ZNF518A: variants seen among roughly 807,000 people sequenced by gnomAD.
The protein encoded by ZNF518A is zinc finger protein 518.
In ZNF518A, 47 loss-of-function variants were observed where a neutral mutation model predicts 102.7. That is an observed-to-expected ratio of 0.46 (90% CI 0.36 to 0.58). ZNF518A has a LOEUF of 0.58. Ranked by LOEUF, ZNF518A falls within the 20% of genes least tolerant of loss-of-function variation. The probability of loss-of-function intolerance (pLI) is 0.00; values close to 1 mark genes in which losing one functional copy is unlikely to be tolerated. For synonymous variants in ZNF518A, 652 were observed against 594.6 expected (o/e 1.10, Z -1.40); for missense variants, 1,793 against 1,699.8 (o/e 1.05, Z -0.96).
chr10:96,135,679 G>T (rs763730370), intron 3 of ZNF518A, among the ~76,000 whole-genome samples: 1 of 152,190 alleles, frequency 6.6e-6, no homozygotes, highest in African/African-American at 2.4e-5. Flanking sequence ...TATTTCTGGT[G>T]CACAGATTAA....
intron 3 of ZNF518A, among the ~76,000 whole-genome samples, chr10:96,139,512 C>T (rs1041152362): frequency 6.6e-6 from 1 of 152,132 alleles, no homozygotes; most frequent in Admixed American, 6.5e-5. Context: ...GAAGTAGGCC[C>T]TCCCCAGACA....
intron 3 of ZNF518A, among the ~76,000 whole-genome samples, chr10:96,150,779 C>T (rs1205194566): frequency 1.3e-5 from 1 of 79,250 alleles, no homozygotes; most frequent in Admixed American, 2.0e-4. Flanking sequence ...CAGAGTCTCA[C>T]TCTGTCACTC....
At chr10:96,192,613 C>A (rs1377342553) in intron 1 of ZNF518A, among the ~76,000 whole-genome samples, 1 of 151,982 alleles carries the variant, frequency 6.6e-6, no homozygotes, top group Non-Finnish European at 1.5e-5. Context: ...TTACTTGGTT[C>A]CTGGTAAGCT....
At position 96,162,645 on chromosome 10, in the gene ZNF518A, A is replaced by T. The variant is rs1433452220; in HGVS notation, c.*1871A>T. 1.2e-5 allele frequency: 2 copies of T among 166,244 alleles called. No homozygotes were observed. The highest frequency in any genetic ancestry group is 2.9e-5 in the Non-Finnish European group (2 of 68,024). The allele number at this position is 166,244 out of a possible 1,614,324, so 10.3% of individuals were successfully genotyped here. On this transcript the variant is annotated 3_prime_UTR_variant, in exon 6 of 6. Coordinates refer to ENST00000316045, the MANE Select transcript of ZNF518A (RefSeq NM_001330736.2). Reference sequence around the variant, plus strand: ...AGTTAATTGGAAATATACAGTATATATTAATAATGTACATGGTGTTTAAAG... The same window carrying T: ...AGTTAATTGGAAATATACAGTATATTTTAATAATGTACATGGTGTTTAAAG...
At position 96,161,876 on chromosome 10, in the gene ZNF518A, A is replaced by G. The variant is rs139871218; in HGVS notation, c.*1102A>G. On this transcript the variant is annotated 3_prime_UTR_variant, in exon 6 of 6. Transcript: ENST00000316045. ...TTGGCATTTGCAAAAGGAAGCATCA[A>G]TAGTGGACCCAGAGGCAGTGCATAA... is the stretch of plus-strand genomic sequence containing the variant. The G allele has an allele frequency of 7.0e-4, 117 of 167,130 alleles. No individual in the cohort carries two copies. Among genetic ancestry groups the G allele is most frequent in the African/African-American group, 2.4e-3 (98 of 41,578 alleles). The allele number at this position is 167,130 out of a possible 1,614,324, so 10.4% of individuals were successfully genotyped here. A position where few individuals can be genotyped will look rare whatever the true frequency, so the allele number is the denominator to read the frequency against.
At chr10:96,150,168 C>CG (rs1384528442) in intron 3 of ZNF518A, among the ~76,000 whole-genome samples, 3 of 132,658 alleles carry the variant, frequency 2.3e-5, no homozygotes, top group African/African-American at 9.4e-5. Context: ...ACTAAAAATA[C>CG]AAAAAAAAAA....
At chr10:96,198,267 A>AG (rs2083526776) in intron 1 of ZNF518A, among the ~76,000 whole-genome samples, 1 of 152,204 alleles carries the variant, frequency 6.6e-6, no homozygotes, top group African/African-American at 2.4e-5. Context: ...CAGTGATGGG[A>AG]GAAAAAATGA....
chr10:96,168,355 T>G (rs774660160), downstream of ZNF518A, among the ~76,000 whole-genome samples: 3 of 151,940 alleles, frequency 2.0e-5, no homozygotes, highest in African/African-American at 4.8e-5. Flanking sequence ...CACCCTTAAA[T>G]AAAGCATTTG....
At chr10:96,196,563 T>C (rs184380422) in intron 1 of ZNF518A, among the ~76,000 whole-genome samples, 1 of 152,332 alleles carries the variant, frequency 6.6e-6, no homozygotes, top group African/African-American at 2.4e-5. Context: ...GTCTTGACTT[T>C]GGAGGTCTGG....
At chr10:96,177,078 CAAAAAA>C (rs141613606) in intron 1 of ZNF518A, among the ~76,000 whole-genome samples, 3 of 125,336 alleles carry the variant, frequency 2.4e-5, no homozygotes. Flanking sequence ...GTCTCTGTCT[CAAAAAA>C]AAAAAAAAAA....
rs1476896727 is a variant in ZNF518A, at chr10:96,156,063, A to G, written c.-127+16A>G. ...TTACTTCTTGGTAAGCTGTTCTTAAAATACTTAAAAAGTCTTTTGTATATT... is the reference window on the plus strand; with the variant it reads ...TTACTTCTTGGTAAGCTGTTCTTAAGATACTTAAAAAGTCTTTTGTATATT... On this transcript the variant is annotated intron_variant, in intron 5 of 5. Transcript: ENST00000316045. 2 of 215,138 alleles carry G rather than the reference A, an allele frequency of 9.3e-6. No homozygotes were observed. Among genetic ancestry groups the G allele is most frequent in the Non-Finnish European group, 1.8e-5 (2 of 110,504 alleles). 13.3% of individuals were successfully genotyped at this position (215,138 alleles called of 1,614,324 possible). A position where few individuals can be genotyped will look rare whatever the true frequency, so the allele number is the denominator to read the frequency against.
At chr10:96,142,059 G>C (rs955971985) in intron 3 of ZNF518A, among the ~76,000 whole-genome samples, 32 of 152,020 alleles carry the variant, frequency 2.1e-4, no homozygotes, top group African/African-American at 7.7e-4. Context: ...CTTTTTCTAT[G>C]CTTAAGTTGT....
In ZNF518A at chr10:96,160,037, T is replaced by C. The variant is rs782666073; in HGVS notation, c.3715T>C (p.Cys1239Arg). 2 of 1,610,720 alleles carry C rather than the reference T, an allele frequency of 1.2e-6. No individual in the cohort carries two copies. The highest frequency in any genetic ancestry group is 2.7e-5 in the African/African-American group (2 of 74,576). ...ESRVLRCKTN[C>R]RIERNFNRKK... is the part of the protein sequence containing the mutation. ...CAGGGTATTAAGGTGTAAAACAAAT[T>C]GTAGAATTGAGAGGAACTTCAATAG... Residue 1239 changes from cysteine (C) to arginine (R), a missense_variant, in exon 6 of 6, where the codon TGT (cysteine) becomes CGT (arginine). Cys to Arg is a radical substitution (Grantham distance 180, BLOSUM62 -3). Coordinates refer to ENST00000316045, the MANE Select transcript of ZNF518A (RefSeq NM_001330736.2).
chr10:96,190,588 C>T (rs782247375), intron 1 of ZNF518A, among the ~76,000 whole-genome samples: 4 of 152,148 alleles, frequency 2.6e-5, no homozygotes, highest in East Asian at 1.9e-4. Flanking sequence ...TTTAAATATA[C>T]AATTATCTTT....
intron 3 of ZNF518A, among the ~76,000 whole-genome samples, chr10:96,142,628 G>C (rs781909359): frequency 1.3e-5 from 2 of 151,922 alleles, no homozygotes; most frequent in Non-Finnish European, 2.9e-5. Context: ...TTAAGTAGCA[G>C]ATAGATTCTT....
At chr10:96,191,195 G>T (rs2083322832) in intron 1 of ZNF518A, among the ~76,000 whole-genome samples, 1 of 150,282 alleles carries the variant, frequency 6.7e-6, no homozygotes. Flanking sequence ...ATGATTGTGA[G>T]GCCTCCCCAA....
chr10:96,167,409 G>A (rs1461600286), downstream of ZNF518A, among the ~76,000 whole-genome samples: 1 of 152,192 alleles, frequency 6.6e-6, no homozygotes, highest in East Asian at 1.9e-4. Context: ...AGCCGAGATT[G>A]CGCCATTGCT....
In ZNF518A at chr10:96,160,834, C is replaced by T. The variant is rs372966097; in HGVS notation, c.*60C>T. 3.5e-6 allele frequency: 5 copies of T among 1,439,932 alleles called. No homozygotes were observed. In the East Asian group the frequency reaches 9.9e-5, roughly 28 times the overall value. The allele number at this position is 1,439,932 out of a possible 1,614,324, so 89.2% of individuals were successfully genotyped here. ...TTACCTTAGAAGAAAACAACGGGTTCAGTTACCATAATGCAGACATTTTCT... is the reference window on the plus strand; with the variant it reads ...TTACCTTAGAAGAAAACAACGGGTTTAGTTACCATAATGCAGACATTTTCT... On this transcript the variant is annotated 3_prime_UTR_variant, in exon 6 of 6. Coordinates refer to ENST00000316045, the MANE Select transcript of ZNF518A (RefSeq NM_001330736.2).
chr10:96,181,699 A>ATCTGTTTTGGTACCAGTACCAT (rs2083241317), intron 1 of ZNF518A, among the ~76,000 whole-genome samples: 1 of 151,482 alleles, frequency 6.6e-6, no homozygotes, highest in Non-Finnish European at 1.5e-5. Context: ...CCATTGGTCT[A>ATCTGTTTTGGTACCAGTACCAT]TCTGTTTTGG....
Sources: allele counts gnomAD v4.1 joint callset (sites outside exome capture counted in the v4.1 genomes callset), GRCh38; gene constraint gnomAD v4.1.1; transcripts MANE v1.5; gene names NCBI Gene and HGNC (gene_info 2026-07-23, HGNC 2026-07-21).